Variants in MRTFA observed in about 807,000 individuals in gnomAD.
MRTFA encodes the protein myocardin related transcription factor A.
Under a neutral mutation model 83.5 loss-of-function variants are expected in MRTFA, and 20 were observed. The ratio of observed to expected loss-of-function variants is 0.24; its 90% confidence interval spans 0.17 to 0.35. The LOEUF (loss-of-function observed/expected upper bound fraction) is 0.35. Ranked by LOEUF, MRTFA falls within the 10% of genes least tolerant of loss-of-function variation. The probability of loss-of-function intolerance (pLI) is 1.00; values close to 1 mark genes in which losing one functional copy is unlikely to be tolerated. For missense variants in MRTFA, 1,200 were observed against 1,224.7 expected, an observed-to-expected ratio of 0.98 and a Z score of 0.30; for synonymous variants, 659 against 541.2, an observed-to-expected ratio of 1.22 and a Z score of -3.02.
At chr22:40,417,213 C>G in intron 13 of MRTFA, 128 bp downstream of exon 13, 3 of 1,419,618 alleles carry the variant, frequency 2.1e-6, no homozygotes, top group Non-Finnish European at 1.9e-6. Context: ...ACCCACTCCC[C>G]AAGGCCTCTC....
intron 14 of MRTFA, 179 bp from the exon 15 acceptor site, chr22:40,412,086 TA>T: frequency 2.1e-6 from 1 of 476,976 alleles, no homozygotes; most frequent in Non-Finnish European, 3.4e-6. Context: ...GCAAATCACA[TA>T]TTTGATAAAG....
chr22:40,633,192 A>C (rs530154231), intron 1 of MRTFA, among the ~76,000 whole-genome samples: 1 of 152,308 alleles, frequency 6.6e-6, no homozygotes, highest in African/African-American at 2.4e-5. Context: ...GTCAATTGCA[A>C]CTATCAACCC....
chr22:40,459,840 T>TATATAC (rs2053675488), intron 4 of MRTFA, among the ~76,000 whole-genome samples: 1 of 135,250 alleles, frequency 7.4e-6, no homozygotes, highest in African/African-American at 2.8e-5. Flanking sequence ...CATATATATA[T>TATATAC]ATATATATAT....
intron 3 of MRTFA, among the ~76,000 whole-genome samples, chr22:40,513,353 C>T (rs1369312141): frequency 6.6e-6 from 1 of 152,190 alleles, no homozygotes; most frequent in Non-Finnish European, 1.5e-5. Context: ...GTAATCCCAC[C>T]ACTTTAGGAG....
At chr22:40,521,523 G>T (rs1157974476) in intron 3 of MRTFA, among the ~76,000 whole-genome samples, 1 of 149,892 alleles carries the variant, frequency 6.7e-6, no homozygotes, top group Non-Finnish European at 1.5e-5. Context: ...TTATGAGACA[G>T]AGTCTCACTC....
At chr22:40,437,109 T>A (rs1017271614) in intron 4 of MRTFA, among the ~76,000 whole-genome samples, 2 of 152,140 alleles carry the variant, frequency 1.3e-5, no homozygotes, top group African/African-American at 4.8e-5. Context: ...GAGCTCTAGA[T>A]TTAACAAATA....
chr22:40,491,686 T>G (rs1158291040), intron 3 of MRTFA, among the ~76,000 whole-genome samples: 1 of 152,184 alleles, frequency 6.6e-6, no homozygotes, highest in African/African-American at 2.4e-5. Flanking sequence ...AAAAGTTTTT[T>G]CTTCCCTTAT....
At chr22:40,634,093 G>T (rs895560624) in intron 1 of MRTFA, among the ~76,000 whole-genome samples, 1 of 149,258 alleles carries the variant, frequency 6.7e-6, no homozygotes, top group African/African-American at 2.4e-5. Context: ...GATTTATCAG[G>T]ATTTTTTTTT....
chr22:40,526,401 G>A (rs1236380208), intron 3 of MRTFA: 1 of 152,200 alleles, frequency 6.6e-6, no homozygotes, highest in Non-Finnish European at 1.5e-5. Context: ...TCAGGGAAAC[G>A]TGCTCTAAAT....
rs5995879 is a variant in MRTFA at position 40,607,227 on chromosome 22, G to A, written c.-83-12492C>T. 7.5e-3 allele frequency among the ~76,000 whole-genome samples: 1,144 copies of A among 152,252 alleles called. 27 individuals are homozygous for A. Among genetic ancestry groups the A allele is most frequent in the Middle Eastern group, 0.075 (22 of 294 alleles). On this transcript the variant is annotated intron_variant, in intron 1 of 14. Coordinates refer to ENST00000355630, the MANE Select transcript of MRTFA (RefSeq NM_020831.6). ...CTAAGAACAACAGGTACACAAGGCC[G>A]GGTGCGGTGGCTCACGCTTGTAATC...
intron 2 of MRTFA, among the ~76,000 whole-genome samples, chr22:40,579,003 G>T (rs896534974): frequency 2.0e-5 from 3 of 152,164 alleles, no homozygotes; most frequent in Non-Finnish European, 4.4e-5. Flanking sequence ...AGCTACTTGG[G>T]AGGCTGGGGT....
chr22:40,432,245 T>G (rs2053082772), intron 5 of MRTFA, among the ~76,000 whole-genome samples: 1 of 151,664 alleles, frequency 6.6e-6, no homozygotes, highest in Non-Finnish European at 1.5e-5. Context: ...AAACTCCGTC[T>G]CAAAAAACAA....
Position 40,419,106 on chromosome 22 carries a change from A to T in MRTFA, c.1632T>A (p.Phe544Leu). The T allele has an allele frequency of 6.3e-7, 1 of 1,595,340 alleles. No homozygotes were observed. Among genetic ancestry groups the T allele is most frequent in the Non-Finnish European group, 8.5e-7 (1 of 1,171,204 alleles). The change falls in exon 12 of 15, where the codon TTT becomes TTA. Residue 544 changes from phenylalanine (F) to leucine (L), a missense_variant. This residue lies in a region of MRTFA where 1,107 missense variants were observed against 1,041.8 expected (regional missense o/e 1.06). Transcript: ENST00000355630. ...CGGGGGGCGTGGAGCCCGTGCTGCC[A>T]AACTTCACCACCCCACTGCTGGCCA...
intron 4 of MRTFA, among the ~76,000 whole-genome samples, chr22:40,447,227 C>T (rs537808763): frequency 2.0e-5 from 3 of 151,814 alleles, no homozygotes; most frequent in Non-Finnish European, 4.4e-5. Flanking sequence ...TGGCGCGCAC[C>T]TGTAGTCCGA....
chr22:40,552,380 GAA>G lies in MRTFA; in HGVS notation c.-21-15_-21-14del, dbSNP rs1343433397. The G allele has an allele frequency of 1.0e-5, 4 of 398,118 alleles. No homozygotes were observed. The highest frequency in any genetic ancestry group is 1.3e-5 in the Non-Finnish European group (3 of 225,806). 24.7% of individuals were successfully genotyped at this position (398,118 alleles called of 1,614,324 possible). On this transcript the variant is annotated splice_polypyrimidine_tract_variant and intron_variant, in intron 2 of 14. Transcript: ENST00000355630. ...TCGTGATGGCAATCTGGAAATGGAA[GAA>G]AAAATGGAAAGTTTAGATGGTACCA...
intron 3 of MRTFA, among the ~76,000 whole-genome samples, chr22:40,507,730 C>T (rs182795881): frequency 5.3e-5 from 8 of 151,960 alleles, no homozygotes; most frequent in Admixed American, 5.2e-4. Flanking sequence ...CACCTTAGGC[C>T]AAGGTGGGTG....
At chr22:40,550,283 A>C (rs754354549) in intron 3 of MRTFA, among the ~76,000 whole-genome samples, 4 of 152,090 alleles carry the variant, frequency 2.6e-5, no homozygotes, top group Non-Finnish European at 5.9e-5. Context: ...GAACTTGGTA[A>C]GGCAATTCTA....
At chr22:40,481,193 G>A (rs1263115822) in intron 3 of MRTFA, among the ~76,000 whole-genome samples, 1 of 152,096 alleles carries the variant, frequency 6.6e-6, no homozygotes, top group Non-Finnish European at 1.5e-5. Flanking sequence ...GATGTAAGAG[G>A]ACGTCACAGG....
At chr22:40,428,752 G>A (rs1352849886) in intron 7 of MRTFA, among the ~76,000 whole-genome samples, 2 of 151,964 alleles carry the variant, frequency 1.3e-5, no homozygotes, top group African/African-American at 4.8e-5. Context: ...AAACTCCTGG[G>A]CTCAAGTGAT....
Sources: allele counts gnomAD v4.1 joint callset (sites outside exome capture counted in the v4.1 genomes callset), GRCh38; gene constraint gnomAD v4.1.1; regional missense constraint gnomAD v4.1.1; transcripts MANE v1.5; gene names NCBI Gene and HGNC (gene_info 2026-07-23, HGNC 2026-07-21).